Variants in HDGFL2 observed in about 807,000 individuals in gnomAD.
HDGFL2 encodes the protein hepatoma-derived growth factor-related protein 2.
Under a neutral mutation model 77.1 loss-of-function variants are expected in HDGFL2, and 36 were observed. The observed-to-expected ratio is 0.47, with a 90% CI of 0.36 to 0.62. The LOEUF is 0.62. HDGFL2 is among the 20% of genes least tolerant of loss of function. The probability of loss-of-function intolerance (pLI) is 0.00; values close to 1 mark genes in which losing one functional copy is unlikely to be tolerated. For missense variants in HDGFL2, 976 were observed against 973.4 expected, an observed-to-expected ratio of 1.00 and a Z score of -0.04; for synonymous variants, 463 against 413.1, an observed-to-expected ratio of 1.12 and a Z score of -1.46.
intron 6 of HDGFL2, among the ~76,000 whole-genome samples, chr19:4,493,390 C>T (rs576744917): frequency 6.6e-6 from 1 of 151,702 alleles, no homozygotes; most frequent in East Asian, 1.9e-4. Context: ...CTGATGTGGC[C>T]TCCGCACAAG....
chr19:4,474,751 G>A (rs1975028098), intron 1 of HDGFL2: 1 of 154,992 alleles, frequency 6.5e-6, no homozygotes, highest in African/African-American at 2.4e-5. Flanking sequence ...CTGATTGGAA[G>A]TGAAGGGGCT....
At chr19:4,486,745 C>G (rs1386810934) in intron 3 of HDGFL2, among the ~76,000 whole-genome samples, 1 of 152,036 alleles carries the variant, frequency 6.6e-6, no homozygotes, top group African/African-American at 2.4e-5. Context: ...CACGGCCTAA[C>G]TCTTCATCCT....
rs1235305774 is a variant in HDGFL2 at position 4,488,777 on chromosome 19, G to A, written c.390G>A (p.Ala130=). 10 of 1,552,120 alleles carry A rather than the reference G, an allele frequency of 6.4e-6. No homozygotes were observed. Among genetic ancestry groups the A allele is most frequent in the African/African-American group, 1.4e-5 (1 of 73,224 alleles). ...ACCGGGGGGTCATGGCCGTCACAGCGGTAACCGCCACAGCTGCCAGCGACA... is the reference window on the plus strand; with the variant it reads ...ACCGGGGGGTCATGGCCGTCACAGCAGTAACCGCCACAGCTGCCAGCGACA... ...DEDRGVMAVT[A]VTATAASDRM... Residue 130 remains alanine, a synonymous_variant, in exon 4 of 16, where the codon GCG becomes GCA. Transcript: ENST00000616600.
intron 14 of HDGFL2, among the ~76,000 whole-genome samples, 194 bp from the exon 15 acceptor site, chr19:4,500,997 C>G (rs1975858373): frequency 2.0e-5 from 3 of 152,232 alleles, no homozygotes; most frequent in African/African-American, 4.8e-5. Context: ...GCCAGTGTGG[C>G]TCGGGCTGGG....
intron 10 of HDGFL2, 157 bp from the exon 11 acceptor site, chr19:4,497,801 G>A (rs1975746055): frequency 1.6e-6 from 1 of 643,882 alleles, no homozygotes; most frequent in East Asian, 2.7e-5. Context: ...GGCCTAGGCT[G>A]TGGCAGGGCC....
At chr19:4,488,943 T>C in intron 4 of HDGFL2, 67 bp downstream of exon 4, 2 of 1,086,158 alleles carry the variant, frequency 1.8e-6, no homozygotes, top group Non-Finnish European at 2.6e-6. Flanking sequence ...GGCAGCTTGC[T>C]CTCCTGCCCT....
chr19:4,481,107 C>T (rs545401349), intron 3 of HDGFL2, among the ~76,000 whole-genome samples: 17 of 151,930 alleles, frequency 1.1e-4, no homozygotes, highest in South Asian at 2.1e-4. Flanking sequence ...CTACAAGCTC[C>T]GCCTCCTGGG....
At position 4,485,891 on chromosome 19, in the gene HDGFL2, A is replaced by AAAAAAAAATAAT. The variant is rs1391822409; in HGVS notation, c.289-2783_289-2782insAAAAAATAATAA. 3.3e-5 allele frequency among the ~76,000 whole-genome samples: 5 copies of AAAAAAAAATAAT among 149,672 alleles called. No individual in the cohort carries two copies. The East Asian group carries it at 7.9e-4, about 24-fold the overall frequency. On this transcript the variant is annotated intron_variant, in intron 3 of 15. Transcript: ENST00000616600. Reference sequence around the variant, plus strand: ...GTGAAACCCCATGTCTACAAAAAAAAAATACAAAAACGTTAGCCAGGTGTG... The same window carrying AAAAAAAAATAAT: ...GTGAAACCCCATGTCTACAAAAAAAAAAAAAAAATAATAATACAAAAACGTTAGCCAGGTGTG...
chr19:4,495,709 G>A (rs567036542), intron 9 of HDGFL2, among the ~76,000 whole-genome samples: 2 of 152,150 alleles, frequency 1.3e-5, no homozygotes, highest in East Asian at 1.9e-4. Flanking sequence ...GCCCTCACTC[G>A]GGTGCTCTCG....
In HDGFL2 at chr19:4,491,524, C is replaced by T. The variant is rs376634086; in HGVS notation, c.490-42C>T. On this transcript the variant is annotated intron_variant, in intron 4 of 15. Transcript: ENST00000616600. ...AGCTGGGGGCTTCCTGCCAGGAGCC[C>T]GGCCTTCCCATCACTGAGCATTCAG... 102 of 1,573,870 alleles carry T rather than the reference C, an allele frequency of 6.5e-5. No individual in the cohort carries two copies. The African/African-American group carries it at 8.4e-4, about 13-fold the overall frequency.
intron 1 of HDGFL2, among the ~76,000 whole-genome samples, chr19:4,472,885 GCCGCGCC>G (rs1974980563): frequency 6.7e-6 from 1 of 148,516 alleles, no homozygotes; most frequent in African/African-American, 2.5e-5. Context: ...CCCTGCAGGA[GCCGCGCC>G]CCGGGGTCTG....
At chr19:4,481,627 A>AT (rs1439412947) in intron 3 of HDGFL2, among the ~76,000 whole-genome samples, 4 of 148,914 alleles carry the variant, frequency 2.7e-5, no homozygotes, top group Non-Finnish European at 5.9e-5. Context: ...CGCCCGGCCA[A>AT]TTTTTGTATT....
intron 3 of HDGFL2, among the ~76,000 whole-genome samples, chr19:4,485,819 G>A (rs530561698): frequency 1.4e-4 from 20 of 140,106 alleles, no homozygotes; most frequent in African/African-American, 5.4e-4. Flanking sequence ...GGCCAAGGTG[G>A]GAGGATTGCT....
intron 3 of HDGFL2, among the ~76,000 whole-genome samples, chr19:4,481,618 G>A (rs1196290868): frequency 1.3e-5 from 2 of 151,982 alleles, no homozygotes; most frequent in African/African-American, 2.4e-5. Context: ...GAGCCACCGC[G>A]CCCGGCCAAT....
At position 4,498,318 on chromosome 19, in the gene HDGFL2, A is replaced by AGGAGAAGCT. The variant is rs750163931; in HGVS notation, c.1417_1425dup (p.Glu473_Leu475dup). The AGGAGAAGCT allele has an allele frequency of 6.2e-7, 1 of 1,613,492 alleles. No homozygotes were observed. Among genetic ancestry groups the AGGAGAAGCT allele is most frequent in the South Asian group, 1.1e-5 (1 of 91,074 alleles). ...TCTCCTGGCCCAGAGCCCTCCGTGG[A>AGGAGAAGCT]GGAGAAGCTGCAGAAGCTGCACAGT... is the stretch of plus-strand genomic sequence containing the variant. On this transcript the variant is annotated inframe_insertion, in exon 12 of 16. Coordinates refer to ENST00000616600, the MANE Select transcript of HDGFL2 (RefSeq NM_001001520.3).
chr19:4,498,221 C>A, intron 11 of HDGFL2, 85 bp from the exon 12 acceptor site: 1 of 1,332,158 alleles, frequency 7.5e-7, no homozygotes, highest in Non-Finnish European at 1.1e-6. Flanking sequence ...ACAAATCCTC[C>A]AGAGGCTCTC....
Position 4,498,287 on chromosome 19 carries a change from GCT to G in HDGFL2, c.1403-11_1403-10del, listed in dbSNP as rs767242496. 2.5e-6 allele frequency: 4 copies of G among 1,608,172 alleles called. No individual in the cohort carries two copies. The Admixed American group carries it at 6.7e-5, about 27-fold the overall frequency. ...GTGGCCCTGCCTGGGCCCACACGGT[GCT>G]CTCTCTCCTGGCCCAGAGCCCTCCG... On this transcript the variant is annotated splice_polypyrimidine_tract_variant and intron_variant, in intron 11 of 15. Coordinates refer to ENST00000616600, the MANE Select transcript of HDGFL2 (RefSeq NM_001001520.3).
Position 4,481,062 on chromosome 19 carries a change from C to T in HDGFL2, c.288+5479C>T, listed in dbSNP as rs560210330. Among the ~76,000 whole-genome samples the T allele has an allele frequency of 2.6e-5, 4 of 151,906 alleles. No individual in the cohort carries two copies. In the East Asian group the frequency reaches 7.8e-4, roughly 30 times the overall value. On this transcript the variant is annotated intron_variant, in intron 3 of 15. Coordinates refer to ENST00000616600, the MANE Select transcript of HDGFL2 (RefSeq NM_001001520.3). ...TTGAGACAAGAGTCTCACTCTGTCG[C>T]CCAGGCTGGAGTGCAGTGGTGCGGT...
chr19:4,487,684 A>T (rs1418042563), intron 3 of HDGFL2, among the ~76,000 whole-genome samples: 3 of 152,188 alleles, frequency 2.0e-5, no homozygotes, highest in African/African-American at 7.2e-5. Flanking sequence ...GGGGCAAGGG[A>T]GATGCCACGG....
Sources: allele counts gnomAD v4.1 joint callset (sites outside exome capture counted in the v4.1 genomes callset), GRCh38; gene constraint gnomAD v4.1.1; transcripts MANE v1.5; gene names NCBI Gene and HGNC (gene_info 2026-07-23, HGNC 2026-07-21).